CCDC91: variants seen among roughly 807,000 people sequenced by gnomAD.
The protein encoded by CCDC91 is coiled-coil domain-containing protein 91.
Under a neutral mutation model 63.2 loss-of-function variants are expected in CCDC91, and 48 were observed. The ratio of observed to expected loss-of-function variants is 0.76; its 90% CI spans 0.60 to 0.97. CCDC91 has a LOEUF of 0.97. CCDC91 is among the 50% of genes least tolerant of loss of function. CCDC91 has a pLI of 0.00. For synonymous variants in CCDC91, 167 were observed against 165.8 expected (o/e 1.01, Z -0.06); for missense variants, 500 against 494.6 (o/e 1.01, Z -0.10).
intron 8 of CCDC91, among the ~76,000 whole-genome samples, chr12:28,442,057 T>C (rs1443831643): frequency 6.6e-6 from 1 of 151,806 alleles, no homozygotes; most frequent in East Asian, 1.9e-4. Flanking sequence ...TGAAAGTGAG[T>C]GATAGGTGTA....
At chr12:28,228,770 T>C (rs546915794) in intron 1 of CCDC91, among the ~76,000 whole-genome samples, 1 of 152,264 alleles carries the variant, frequency 6.6e-6, no homozygotes, top group Non-Finnish European at 1.5e-5. Context: ...GAAAGAAAGC[T>C]GAAACATGTT....
intron 1 of CCDC91, among the ~76,000 whole-genome samples, chr12:28,191,817 C>A (rs1460375146): frequency 1.3e-5 from 2 of 152,150 alleles, no homozygotes; most frequent in Non-Finnish European, 2.9e-5. Context: ...AAGGGTCATG[C>A]CAGGCAGAGT....
intron 3 of CCDC91, among the ~76,000 whole-genome samples, chr12:28,278,178 G>T (rs1948370401): frequency 6.6e-6 from 1 of 152,004 alleles, no homozygotes; most frequent in South Asian, 2.1e-4. Context: ...TTACTGTTTA[G>T]TTTCGTCTGT....
At chr12:28,401,584 C>T (rs1946625704) in intron 8 of CCDC91, among the ~76,000 whole-genome samples, 1 of 152,076 alleles carries the variant, frequency 6.6e-6, no homozygotes, top group African/African-American at 2.4e-5. Flanking sequence ...AGGGAAGCCT[C>T]TTATAAAACC....
At chr12:28,486,476 A>G (rs1348489402) in intron 12 of CCDC91, among the ~76,000 whole-genome samples, 4 of 152,178 alleles carry the variant, frequency 2.6e-5, no homozygotes, top group African/African-American at 9.6e-5. Flanking sequence ...GAGAAATTAT[A>G]TAACAAAGCA....
At chr12:28,216,152 A>G (rs796606761) in intron 1 of CCDC91, among the ~76,000 whole-genome samples, 22 of 152,224 alleles carry the variant, frequency 1.4e-4, no homozygotes, top group African/African-American at 5.1e-4. Context: ...TATTTTCAGC[A>G]TTTAAAGCTG....
intron 11 of CCDC91, among the ~76,000 whole-genome samples, chr12:28,453,879 A>C (rs944539241): frequency 3.3e-5 from 5 of 152,054 alleles, no homozygotes; most frequent in African/African-American, 1.2e-4. Context: ...TGGGCCATTC[A>C]TCACTTGAAT....
intron 8 of CCDC91, among the ~76,000 whole-genome samples, chr12:28,426,772 A>T (rs971047475): frequency 2.0e-5 from 3 of 152,102 alleles, no homozygotes; most frequent in African/African-American, 7.2e-5. Flanking sequence ...TCTTACTCTG[A>T]TAATTTCAAA....
chr12:28,250,926 G>A (rs1393433937), intron 1 of CCDC91, among the ~76,000 whole-genome samples: 1 of 149,794 alleles, frequency 6.7e-6, no homozygotes, highest in African/African-American at 2.5e-5. Context: ...AGTCTTAATT[G>A]CTTTCTATTT....
intron 6 of CCDC91, among the ~76,000 whole-genome samples, chr12:28,322,768 C>T (rs1592305915): frequency 6.6e-6 from 1 of 151,538 alleles, no homozygotes; most frequent in Non-Finnish European, 1.5e-5. Context: ...ATAGTATTAA[C>T]TTGTCTTCCA....
intron 8 of CCDC91, among the ~76,000 whole-genome samples, chr12:28,402,222 T>C (rs1946666389): frequency 6.6e-6 from 1 of 152,190 alleles, no homozygotes; most frequent in Admixed American, 6.6e-5. Context: ...GAAATATCGC[T>C]AGATATTGCT....
intron 3 of CCDC91, among the ~76,000 whole-genome samples, chr12:28,296,069 T>G (rs1213950667): frequency 6.6e-6 from 1 of 151,936 alleles, no homozygotes; most frequent in Non-Finnish European, 1.5e-5. Context: ...TTTTCATTTA[T>G]TTTTGGATGC....
At chr12:28,545,522 C>T (rs1282056054) in intron 12 of CCDC91, among the ~76,000 whole-genome samples, 2 of 152,066 alleles carry the variant, frequency 1.3e-5, no homozygotes, top group Admixed American at 6.6e-5. Context: ...ATGGCCCAAT[C>T]TCTGTTTTCC....
At chr12:28,483,080 G>A (rs1010150555) in intron 11 of CCDC91, among the ~76,000 whole-genome samples, 18 of 151,736 alleles carry the variant, frequency 1.2e-4, no homozygotes, top group Middle Eastern at 3.4e-3. Context: ...ATTTTTCCAC[G>A]TTTCCATTTT....
chr12:28,460,240 G>A (rs11049630), intron 11 of CCDC91, among the ~76,000 whole-genome samples: 35,539 of 151,980 alleles, frequency 0.23, 4,939 homozygotes, highest in Non-Finnish European at 0.32. Context: ...AACTGAAGAA[G>A]TTTGCCTCCT....
intron 6 of CCDC91, among the ~76,000 whole-genome samples, chr12:28,352,922 CA>C (rs1943277112): frequency 6.6e-6 from 1 of 152,214 alleles, no homozygotes; most frequent in Admixed American, 6.5e-5. Context: ...ACTTTGAAGC[CA>C]GTCATTGACT....
chr12:28,450,304 C>T, intron 9 of CCDC91, 46 bp from the exon 10 acceptor site: 2 of 1,583,958 alleles, frequency 1.3e-6, no homozygotes, highest in Non-Finnish European at 1.7e-6. Context: ...TCTGTTACCT[C>T]AAATAATACA....
chr12:28,531,722 C>T (rs1941747217), intron 12 of CCDC91, among the ~76,000 whole-genome samples: 1 of 152,112 alleles, frequency 6.6e-6, no homozygotes, highest in Non-Finnish European at 1.5e-5. Context: ...ATTGTCTCTT[C>T]TATATTTTTG....
chr12:28,374,617 AC>A (rs1944831817), intron 7 of CCDC91, among the ~76,000 whole-genome samples: 1 of 152,164 alleles, frequency 6.6e-6, no homozygotes, highest in South Asian at 2.1e-4. Context: ...ATGAACTAGC[AC>A]TTTTTAAAGC....
Sources: allele counts gnomAD v4.1 joint callset (sites outside exome capture counted in the v4.1 genomes callset), GRCh38; gene constraint gnomAD v4.1.1; transcripts MANE v1.5; gene names NCBI Gene and HGNC (gene_info 2026-07-23, HGNC 2026-07-21).